Variants in ROBO2 observed in about 807,000 individuals in gnomAD.
ROBO2 encodes the protein roundabout homolog 2.
ROBO2 carries 53 observed loss-of-function variants against 160.8 expected under a neutral mutation model. That is an observed-to-expected ratio of 0.33 (90% CI 0.26 to 0.41). The LOEUF is 0.41. Among genes scored for constraint, ROBO2 ranks in the 10% least tolerant of loss-of-function variants. The pLI, the probability that ROBO2 is intolerant of heterozygous loss-of-function variation, is 1.00. For missense variants in ROBO2, 1,577 were observed against 1,722.4 expected, an observed-to-expected ratio of 0.92 and a Z score of 1.49; for synonymous variants, 664 against 611.7, an observed-to-expected ratio of 1.09 and a Z score of -1.26.
intron 2 of ROBO2, among the ~76,000 whole-genome samples, chr3:76,717,244 T>C (rs377070185): frequency 2.0e-5 from 3 of 151,804 alleles, no homozygotes; most frequent in African/African-American, 7.3e-5. Flanking sequence ...CTGTAATCCC[T>C]GCACTTTGGG....
intron 2 of ROBO2, among the ~76,000 whole-genome samples, chr3:77,457,305 T>C (rs899486422): frequency 1.3e-5 from 2 of 152,134 alleles, no homozygotes; most frequent in Non-Finnish European, 2.9e-5. Flanking sequence ...TATTTCAACT[T>C]TTTTTCTTTC....
At chr3:77,180,416 C>CTCTCTCTCTCTATA (rs1433740534) in intron 2 of ROBO2, among the ~76,000 whole-genome samples, 2 of 90,720 alleles carry the variant, frequency 2.2e-5, no homozygotes, top group South Asian at 3.8e-4. Context: ...CTCTCTCTCT[C>CTCTCTCTCTCTATA]TATATATATA....
chr3:76,215,334 AG>A (rs1308826708), intron 2 of ROBO2, among the ~76,000 whole-genome samples: 3 of 152,202 alleles, frequency 2.0e-5, no homozygotes, highest in Non-Finnish European at 4.4e-5. Flanking sequence ...GGGTTGAGAG[AG>A]GAAGGCTTCA....
At chr3:76,666,840 T>TA (rs757327075) in intron 2 of ROBO2, among the ~76,000 whole-genome samples, 1 of 152,062 alleles carries the variant, frequency 6.6e-6, no homozygotes, top group African/African-American at 2.4e-5. Flanking sequence ...GTTGATGTGT[T>TA]AAAAAAATAA....
chr3:76,620,611 C>T (rs2088989152), intron 2 of ROBO2, among the ~76,000 whole-genome samples: 1 of 151,906 alleles, frequency 6.6e-6, no homozygotes, highest in African/African-American at 2.4e-5. Context: ...TAATATTTGT[C>T]TTTTTAAAAC....
intron 2 of ROBO2, among the ~76,000 whole-genome samples, chr3:76,011,167 A>G (rs1044842957): frequency 2.6e-5 from 4 of 152,132 alleles, no homozygotes; most frequent in African/African-American, 7.2e-5. Flanking sequence ...ATTGTATGCT[A>G]TCATCTGTGT....
At chr3:76,390,437 AATG>A (rs1332593849) in intron 2 of ROBO2, among the ~76,000 whole-genome samples, 3 of 152,148 alleles carry the variant, frequency 2.0e-5, no homozygotes, top group Non-Finnish European at 2.9e-5. Context: ...CTTGATGGAA[AATG>A]ATAAGACATA....
intron 2 of ROBO2, among the ~76,000 whole-genome samples, chr3:77,259,131 C>A (rs910039180): frequency 6.6e-6 from 1 of 152,194 alleles, no homozygotes; most frequent in Non-Finnish European, 1.5e-5. Context: ...AACGACTCTG[C>A]GCTCTGTTCT....
At chr3:77,430,602 T>A (rs974536537) in intron 2 of ROBO2, among the ~76,000 whole-genome samples, 1 of 152,024 alleles carries the variant, frequency 6.6e-6, no homozygotes, top group Non-Finnish European at 1.5e-5. Context: ...TGGGGCTTTT[T>A]AGATGGTTAG....
intron 2 of ROBO2, among the ~76,000 whole-genome samples, chr3:76,211,733 T>G (rs1686923370): frequency 6.6e-6 from 1 of 152,070 alleles, no homozygotes; most frequent in Non-Finnish European, 1.5e-5. Context: ...GTACACTGTT[T>G]TATTTCATAA....
At chr3:77,117,726 T>C (rs774990220) in intron 2 of ROBO2, among the ~76,000 whole-genome samples, 8 of 152,184 alleles carry the variant, frequency 5.3e-5, no homozygotes, top group Non-Finnish European at 8.8e-5. Context: ...CATTGTAACT[T>C]TTATTTTGGC....
chr3:77,285,389 T>C (rs986946054), intron 2 of ROBO2, among the ~76,000 whole-genome samples: 1 of 152,134 alleles, frequency 6.6e-6, no homozygotes, highest in Non-Finnish European at 1.5e-5. Flanking sequence ...TTCAGAGCCA[T>C]AAAAAAACCG....
upstream of ROBO2, among the ~76,000 whole-genome samples, chr3:77,039,265 ATTTCC>A (rs367833313): frequency 3.9e-5 from 6 of 152,074 alleles, no homozygotes; most frequent in Admixed American, 3.3e-4. Flanking sequence ...AGGTGCTTCT[ATTTCC>A]TTTCCTTTCC....
At chr3:76,798,133 GAAGAAAGAGAAA>G (rs1560579462) in intron 2 of ROBO2, among the ~76,000 whole-genome samples, 4 of 54,120 alleles carry the variant, frequency 7.4e-5, no homozygotes, top group African/African-American at 2.7e-4. Flanking sequence ...AAGAAAGAAA[GAAGAAAGAGAAA>G]GAAAGAAAGA....
intron 2 of ROBO2, among the ~76,000 whole-genome samples, chr3:76,973,118 A>G (rs6764089): frequency 6.6e-6 from 1 of 151,976 alleles, no homozygotes; most frequent in Non-Finnish European, 1.5e-5. Flanking sequence ...GAGGCCCCAG[A>G]AGGAAGATAA....
chr3:76,044,490 G>T (rs2067382753), intron 2 of ROBO2, among the ~76,000 whole-genome samples: 1 of 152,022 alleles, frequency 6.6e-6, no homozygotes, highest in African/African-American at 2.4e-5. Flanking sequence ...CTGTGAGAAT[G>T]TGGGACTCAG....
intron 2 of ROBO2, among the ~76,000 whole-genome samples, chr3:77,296,652 G>A (rs2062161769): frequency 6.6e-6 from 1 of 152,088 alleles, no homozygotes; most frequent in Non-Finnish European, 1.5e-5. Context: ...GCATAGCAAT[G>A]TTTGAGAACA....
At chr3:76,717,444 A>G (rs191741025) in intron 2 of ROBO2, among the ~76,000 whole-genome samples, 1 of 150,248 alleles carries the variant, frequency 6.7e-6, no homozygotes, top group African/African-American at 2.4e-5. Flanking sequence ...TGAGCCAAGA[A>G]TGCGCCACTG....
intron 2 of ROBO2, among the ~76,000 whole-genome samples, chr3:77,101,330 G>T (rs886693468): frequency 2.0e-5 from 3 of 152,158 alleles, no homozygotes; most frequent in African/African-American, 7.2e-5. Context: ...AAGTGACTGG[G>T]TATATAGTGC....
Sources: gnomAD v4.1 joint callset for allele counts (sites outside exome capture counted in the v4.1 genomes callset) on GRCh38, gnomAD v4.1.1 for gene constraint, MANE v1.5 for transcripts, NCBI Gene and HGNC (gene_info 2026-07-23, HGNC 2026-07-21) for gene names.